Variants in APBA1 observed in about 807,000 individuals in gnomAD.
The protein encoded by APBA1 is amyloid beta precursor protein binding family A member 1.
In APBA1, 55 loss-of-function variants were observed where a neutral mutation model predicts 86.6. The observed-to-expected ratio is 0.64, with a 90% CI of 0.51 to 0.80. APBA1 has a LOEUF of 0.80. Among genes scored for constraint, APBA1 ranks in the 30% least tolerant of loss-of-function variants. The pLI, the probability that APBA1 is intolerant of heterozygous loss-of-function variation, is 0.00. For synonymous variants in APBA1, 511 were observed against 493.9 expected, an observed-to-expected ratio of 1.03 and a Z score of -0.46; for missense variants, 1,090 against 1,183.0, an observed-to-expected ratio of 0.92 and a Z score of 1.15.
At position 69,440,060 on chromosome 9, in the gene APBA1, T is replaced by A. The variant is rs547343754; in HGVS notation, c.2301+936A>T. Among the ~76,000 whole-genome samples the A allele has an allele frequency of 1.0e-3, 152 of 152,342 alleles. 2 individuals carry two copies. The highest frequency in any genetic ancestry group is 3.3e-3 in the African/African-American group (137 of 41,576). On this transcript the variant is annotated intron_variant, in intron 11 of 12. Coordinates refer to ENST00000265381, the MANE Select transcript of APBA1 (RefSeq NM_001163.4). ...TACTGGAGGTCCACTCCAGACCCTG[T>A]TTGCCTGGGTATCAGCAGCAGTGGC...
At chr9:69,660,217 C>T (rs1365861775) in intron 1 of APBA1, among the ~76,000 whole-genome samples, 1 of 152,218 alleles carries the variant, frequency 6.6e-6, no homozygotes, top group African/African-American at 2.4e-5. Flanking sequence ...ATGTTCAAGG[C>T]TTTGCTCTTA....
intron 10 of APBA1, 44 bp downstream of exon 10, chr9:69,449,540 C>T (rs1834965793): frequency 6.5e-7 from 1 of 1,536,636 alleles, no homozygotes; most frequent in African/African-American, 1.4e-5. Flanking sequence ...CTTCACATCA[C>T]TTGAGGTTTA....
chr9:69,580,616 G>C (rs1023315643), intron 1 of APBA1, among the ~76,000 whole-genome samples: 1 of 152,116 alleles, frequency 6.6e-6, no homozygotes, highest in Non-Finnish European at 1.5e-5. Flanking sequence ...GATTGGCTAG[G>C]ACTCTTAGTG....
chr9:69,499,448 GCAA>G, intron 2 of APBA1, among the ~76,000 whole-genome samples: 1 of 152,166 alleles, frequency 6.6e-6, no homozygotes, highest in Non-Finnish European at 1.5e-5. Flanking sequence ...TCAGAACTCT[GCAA>G]GGTGTAATCA....
intron 1 of APBA1, among the ~76,000 whole-genome samples, chr9:69,633,558 A>C (rs906501460): frequency 6.6e-6 from 1 of 152,220 alleles, no homozygotes. Context: ...CTGACCTTTC[A>C]TTCAGGTAAA....
intron 2 of APBA1, among the ~76,000 whole-genome samples, chr9:69,492,328 G>A (rs868269262): frequency 7.9e-5 from 12 of 152,064 alleles, no homozygotes; most frequent in Admixed American, 1.3e-4. Flanking sequence ...CCTGGGCACC[G>A]GCAAAGCATT....
At chr9:69,567,840 G>C (rs1424524506) in intron 1 of APBA1, among the ~76,000 whole-genome samples, 1 of 152,012 alleles carries the variant, frequency 6.6e-6, no homozygotes, top group Non-Finnish European at 1.5e-5. Flanking sequence ...CCTCCACCTT[G>C]AGCATCTCTG....
intron 1 of APBA1, among the ~76,000 whole-genome samples, chr9:69,660,758 T>C (rs534856332): frequency 2.6e-5 from 4 of 152,304 alleles, no homozygotes; most frequent in Non-Finnish European, 4.4e-5. Flanking sequence ...CTTGGGCATA[T>C]AGAATATACA....
chr9:69,671,345 C>G (rs1332686886), intron 1 of APBA1, among the ~76,000 whole-genome samples: 1 of 152,138 alleles, frequency 6.6e-6, no homozygotes, highest in African/African-American at 2.4e-5. Flanking sequence ...CATTAGCAAG[C>G]CCAGAATGTG....
At chr9:69,585,318 C>A (rs1395568625) in intron 1 of APBA1, among the ~76,000 whole-genome samples, 2 of 152,162 alleles carry the variant, frequency 1.3e-5, no homozygotes, top group Non-Finnish European at 2.9e-5. Context: ...TAAGGTGAGT[C>A]AACTTAGCTA....
intron 1 of APBA1, among the ~76,000 whole-genome samples, chr9:69,635,550 G>A (rs181084382): frequency 6.6e-6 from 1 of 151,994 alleles, no homozygotes; most frequent in African/African-American, 2.4e-5. Flanking sequence ...AACTTAGAAT[G>A]GCTGAATGGA....
intron 1 of APBA1, among the ~76,000 whole-genome samples, chr9:69,665,293 C>T (rs1823823542): frequency 1.3e-5 from 2 of 152,098 alleles, no homozygotes; most frequent in African/African-American, 4.8e-5. Flanking sequence ...GGCTTTCTTC[C>T]CTCTCCTGTG....
chr9:69,503,897 T>C (rs1030737004), intron 2 of APBA1, among the ~76,000 whole-genome samples: 3 of 152,122 alleles, frequency 2.0e-5, no homozygotes, highest in African/African-American at 7.2e-5. Flanking sequence ...GGGTCCCCCG[T>C]TTCCTGGATC....
intron 1 of APBA1, among the ~76,000 whole-genome samples, chr9:69,524,796 G>A (rs1481298894): frequency 6.6e-6 from 1 of 152,048 alleles, no homozygotes; most frequent in African/African-American, 2.4e-5. Flanking sequence ...GAAAACTAGA[G>A]ACCAATATCC....
At chr9:69,468,487 G>C (rs1316548894) in intron 4 of APBA1, among the ~76,000 whole-genome samples, 2 of 152,088 alleles carry the variant, frequency 1.3e-5, no homozygotes, top group Non-Finnish European at 2.9e-5. Flanking sequence ...CAAATTTATA[G>C]ATCAGAAAAA....
At chr9:69,439,555 C>A (rs1057204550) in intron 11 of APBA1, among the ~76,000 whole-genome samples, 1 of 152,170 alleles carries the variant, frequency 6.6e-6, no homozygotes. Context: ...ATTGCTGATA[C>A]CCTTTCTTCC....
intron 5 of APBA1, among the ~76,000 whole-genome samples, chr9:69,460,180 G>A (rs917557774): frequency 5.3e-5 from 8 of 152,162 alleles, no homozygotes; most frequent in African/African-American, 1.2e-4. Context: ...ACCACATAGC[G>A]AATCTCTGGT....
Position 69,457,200 on chromosome 9 carries a change from A to C in APBA1, c.1516-61T>G, listed in dbSNP as rs1317962284. The C allele has an allele frequency of 3.8e-6, 5 of 1,318,142 alleles. No individual in the cohort carries two copies. The Admixed American group carries it at 5.1e-5, about 13-fold the overall frequency. 81.7% of individuals were successfully genotyped at this position (1,318,142 alleles called of 1,614,324 possible). A position where few individuals can be genotyped will look rare whatever the true frequency, so the allele number is the denominator to read the frequency against. On this transcript the variant is annotated intron_variant, in intron 6 of 12. Coordinates refer to ENST00000265381, the MANE Select transcript of APBA1 (RefSeq NM_001163.4). ...CACACTACCCTGACCCAGATGCAGA[A>C]GGAGTAAGGTTAGCTCACACAGAGG...
At chr9:69,543,282 C>G (rs972996645) in intron 1 of APBA1, among the ~76,000 whole-genome samples, 3 of 5,436 alleles carry the variant, frequency 5.5e-4, no homozygotes, top group Non-Finnish European at 1.3e-3. Flanking sequence ...GATTTCCCCC[C>G]CCCCCCCCCG....
Sources: gnomAD v4.1 joint callset for allele counts (sites outside exome capture counted in the v4.1 genomes callset) on GRCh38, gnomAD v4.1.1 for gene constraint, MANE v1.5 for transcripts, NCBI Gene and HGNC (gene_info 2026-07-23, HGNC 2026-07-21) for gene names.